The following QTMAN variants were observed in gnomAD, a reference collection of about 807,000 sequenced individuals.
QTMAN encodes queuosine-tRNA mannosyltransferase, also known as tRNA-queuosine alpha-mannosyltransferase.
chr2:143,973,262 T>C, the QTMAN span, among the ~76,000 whole-genome samples: 1 of 152,078 alleles, frequency 6.6e-6, no homozygotes, highest in African/African-American at 2.4e-5. Context: ...GTGCCACCAT[T>C]ATGAACTCAA....
At chr2:144,052,378 T>G in the QTMAN span, among the ~76,000 whole-genome samples, 4 of 152,222 alleles carry the variant, frequency 2.6e-5, no homozygotes, top group Non-Finnish European at 5.9e-5. Context: ...TTAAGAAAAC[T>G]AAGTGAAGAG....
the QTMAN span, among the ~76,000 whole-genome samples, chr2:144,084,050 A>C: frequency 6.6e-6 from 1 of 152,238 alleles, no homozygotes; most frequent in African/African-American, 2.4e-5. Flanking sequence ...AAAACAATTC[A>C]AGGGTCAAAA....
At chr2:144,043,632 C>CAA in the QTMAN span, among the ~76,000 whole-genome samples, 8 of 132,804 alleles carry the variant, frequency 6.0e-5, no homozygotes, top group African/African-American at 1.9e-4. Context: ...GACTCCGTCG[C>CAA]AAAAAAAAAA....
the QTMAN span, among the ~76,000 whole-genome samples, chr2:144,201,475 A>G: frequency 1.3e-5 from 2 of 152,190 alleles, no homozygotes; most frequent in African/African-American, 4.8e-5. Context: ...CATACTCTGG[A>G]TTTTACATAG....
At chr2:143,966,977 A>C in the QTMAN span, among the ~76,000 whole-genome samples, 1 of 152,248 alleles carries the variant, frequency 6.6e-6, no homozygotes, top group Admixed American at 6.5e-5. Context: ...AAAACAGAGT[A>C]ATCAATGGTC....
At chr2:144,133,151 A>AATATATAT in the QTMAN span, among the ~76,000 whole-genome samples, 3 of 51,390 alleles carry the variant, frequency 5.8e-5, no homozygotes, top group African/African-American at 2.7e-4. Flanking sequence ...ATATATATAT[A>AATATATAT]ATATAATATA....
chr2:144,049,203 G>A, the QTMAN span, among the ~76,000 whole-genome samples: 2 of 152,116 alleles, frequency 1.3e-5, no homozygotes, highest in Non-Finnish European at 2.9e-5. Context: ...GATAATTACT[G>A]TTTATGACAA....
chr2:144,012,482 C>T, the QTMAN span, among the ~76,000 whole-genome samples: 1 of 152,096 alleles, frequency 6.6e-6, no homozygotes, highest in Admixed American at 6.6e-5. Context: ...AGAGTACTTG[C>T]AGTTGACTCA....
chr2:144,088,944 A>G, the QTMAN span, among the ~76,000 whole-genome samples: 3 of 151,972 alleles, frequency 2.0e-5, no homozygotes, highest in African/African-American at 7.2e-5. Flanking sequence ...AAAAAGCACA[A>G]GCAATTAAAA....
chr2:144,179,538 T>C, the QTMAN span, among the ~76,000 whole-genome samples: 1 of 152,228 alleles, frequency 6.6e-6, no homozygotes, highest in African/African-American at 2.4e-5. Context: ...AAGTAGCCAA[T>C]AGTAGAAACA....
At chr2:143,993,858 G>A in the QTMAN span, among the ~76,000 whole-genome samples, 1 of 152,170 alleles carries the variant, frequency 6.6e-6, no homozygotes, top group African/African-American at 2.4e-5. Flanking sequence ...GGGAATAAAT[G>A]TACCACTCAT....
the QTMAN span, among the ~76,000 whole-genome samples, chr2:144,225,546 C>G: frequency 6.6e-6 from 1 of 152,168 alleles, no homozygotes; most frequent in Non-Finnish European, 1.5e-5. Context: ...CCCACAGACA[C>G]ACTATTACTC....
the QTMAN span, among the ~76,000 whole-genome samples, chr2:143,963,480 G>GT: frequency 9.2e-3 from 1,329 of 144,920 alleles, 9 homozygotes; most frequent in Admixed American, 0.012. Context: ...TTTCTGCCTA[G>GT]TTTTTTTTTT....
chr2:144,117,908 C>A, the QTMAN span, among the ~76,000 whole-genome samples: 6 of 152,020 alleles, frequency 3.9e-5, no homozygotes, highest in African/African-American at 1.5e-4. Context: ...TGCAGTGGCG[C>A]CCTCTTGGCT....
chr2:144,078,113 A>C, the QTMAN span, among the ~76,000 whole-genome samples: 1 of 152,208 alleles, frequency 6.6e-6, no homozygotes, highest in Non-Finnish European at 1.5e-5. Context: ...ATAGCACTCT[A>C]AACAGCCTAC....
At chr2:144,045,016 T>C in the QTMAN span, among the ~76,000 whole-genome samples, 2 of 152,238 alleles carry the variant, frequency 1.3e-5, no homozygotes, top group African/African-American at 4.8e-5. Context: ...TGTGCCTTCA[T>C]GACTCCTCCA....
At chr2:144,296,389 G>C in the QTMAN span, among the ~76,000 whole-genome samples, 1 of 152,216 alleles carries the variant, frequency 6.6e-6, no homozygotes, top group South Asian at 2.1e-4. Flanking sequence ...AATCACTAAT[G>C]TATATAATGT....
chr2:144,042,431 A>G, the QTMAN span, among the ~76,000 whole-genome samples: 11 of 152,140 alleles, frequency 7.2e-5, no homozygotes, highest in Admixed American at 1.3e-4. Context: ...CAGAGATAAG[A>G]AAGAGGAGAG....
the QTMAN span, chr2:144,320,013 T>C: frequency 6.6e-6 from 1 of 152,242 alleles, no homozygotes; most frequent in East Asian, 1.9e-4. Context: ...AAATCCGGCA[T>C]GCAACCTGTT....
Sources: allele counts gnomAD v4.1 joint callset (sites outside exome capture counted in the v4.1 genomes callset), GRCh38; gene constraint gnomAD v4.1.1; transcripts MANE v1.5; gene names NCBI Gene and HGNC (gene_info 2026-07-23, HGNC 2026-07-21).